Variants in SLC1A3 observed in about 807,000 individuals in gnomAD.
The protein encoded by SLC1A3 is solute carrier family 1 member 3.
A neutral mutation model predicts 48.1 loss-of-function variants in SLC1A3; 21 were observed. The observed-to-expected ratio is 0.44, with a 90% confidence interval of 0.31 to 0.63. The LOEUF (loss-of-function observed/expected upper bound fraction) is 0.63. Among genes scored for constraint, SLC1A3 ranks in the 20% least tolerant of loss-of-function variants. SLC1A3 has a pLI of 0.08. For missense variants in SLC1A3, 546 were observed against 689.0 expected (o/e 0.79, Z 2.32); for synonymous variants, 239 against 251.4 (o/e 0.95, Z 0.47).
At chr5:36,611,618 G>A (rs1039993704) in intron 2 of SLC1A3, among the ~76,000 whole-genome samples, 7 of 152,134 alleles carry the variant, frequency 4.6e-5, no homozygotes, top group East Asian at 1.9e-4. Flanking sequence ...TTAGCAATCC[G>A]AGAGAACACA....
At chr5:36,670,993 C>A (rs754520457) in intron 3 of SLC1A3, 36 bp from the exon 4 acceptor site, 2 of 1,580,412 alleles carry the variant, frequency 1.3e-6, no homozygotes, top group East Asian at 2.2e-5. Context: ...ATTCCCTGGA[C>A]TGACTTCCTG....
intron 3 of SLC1A3, among the ~76,000 whole-genome samples, chr5:36,650,640 T>A (rs910718693): frequency 1.1e-4 from 17 of 152,206 alleles, no homozygotes; most frequent in Non-Finnish European, 2.4e-4. Context: ...ACCATGGTAT[T>A]GTTTAACATC....
At chr5:36,631,850 G>A (rs1430426170) in intron 3 of SLC1A3, among the ~76,000 whole-genome samples, 1 of 152,214 alleles carries the variant, frequency 6.6e-6, no homozygotes, top group Non-Finnish European at 1.5e-5. Flanking sequence ...AGCTATAATG[G>A]GAAGGGAGGA....
intron 3 of SLC1A3, among the ~76,000 whole-genome samples, chr5:36,658,020 G>A (rs374966673): frequency 3.2e-4 from 49 of 152,316 alleles, no homozygotes; most frequent in African/African-American, 1.1e-3. Flanking sequence ...TTTTGGGCAG[G>A]CAATGTGCTA....
At chr5:36,683,752 T>A in intron 8 of SLC1A3, 112 bp from the exon 9 acceptor site, 9 of 1,180,108 alleles carry the variant, frequency 7.6e-6, no homozygotes, top group Non-Finnish European at 1.0e-5. Flanking sequence ...AAGCGCGTCC[T>A]CTTGTGTTAC....
intron 2 of SLC1A3, among the ~76,000 whole-genome samples, chr5:36,610,324 G>C (rs116654937): frequency 0.011 from 1,701 of 152,238 alleles, 34 homozygotes; most frequent in African/African-American, 0.038. Context: ...TGATTTACCC[G>C]GTTACCTCAA....
chr5:36,653,058 C>T (rs558690661), intron 3 of SLC1A3, among the ~76,000 whole-genome samples: 2 of 152,302 alleles, frequency 1.3e-5, no homozygotes, highest in South Asian at 4.1e-4. Flanking sequence ...GAAGCACTGA[C>T]CTCATATTTG....
chr5:36,665,441 C>T (rs1047609050), intron 3 of SLC1A3, among the ~76,000 whole-genome samples: 2 of 152,148 alleles, frequency 1.3e-5, no homozygotes, highest in Non-Finnish European at 2.9e-5. Context: ...TTATCAAGGA[C>T]CTACTTTGTA....
In SLC1A3 at chr5:36,613,990, G is replaced by A. The variant is rs576169242; in HGVS notation, c.181+5386G>A. Among the ~76,000 whole-genome samples the A allele has an allele frequency of 4.8e-4, 73 of 152,286 alleles. 1 individual carries two copies. Among genetic ancestry groups the A allele is most frequent in the African/African-American group, 1.6e-3 (67 of 41,558 alleles). The stretch of plus-strand genomic sequence containing the variant: ...CACCTTCTCCAAAAGCACTCCAGGC[G>A]CTGCCTCCTACTGTGACGGTGTAGC... On this transcript the variant is annotated intron_variant, in intron 2 of 9. Coordinates refer to ENST00000265113, the MANE Select transcript of SLC1A3 (RefSeq NM_004172.5).
At chr5:36,681,195 T>C (rs1469492279) in intron 8 of SLC1A3, among the ~76,000 whole-genome samples, 3 of 152,342 alleles carry the variant, frequency 2.0e-5, no homozygotes, top group Middle Eastern at 3.4e-3. Flanking sequence ...ACTTTTCCTA[T>C]GCATAGACAT....
intron 3 of SLC1A3, among the ~76,000 whole-genome samples, chr5:36,665,236 T>C (rs1415641129): frequency 6.8e-6 from 1 of 147,558 alleles, no homozygotes; most frequent in African/African-American, 2.5e-5. Context: ...AAAAAAAGCA[T>C]GTGGCCTCTA....
intron 4 of SLC1A3, 124 bp downstream of exon 4, chr5:36,671,357 T>TCATA (rs1741989238): frequency 6.8e-6 from 5 of 730,136 alleles, no homozygotes; most frequent in Non-Finnish European, 1.3e-5. Flanking sequence ...GAAATGAAGG[T>TCATA]CATATATCTT....
chr5:36,640,115 C>G (rs1372212365), intron 3 of SLC1A3, among the ~76,000 whole-genome samples: 1 of 152,168 alleles, frequency 6.6e-6, no homozygotes, highest in Non-Finnish European at 1.5e-5. Flanking sequence ...GAGGACAGTT[C>G]TGTTTTTTCC....
At chr5:36,610,681 T>C (rs2111667054) in intron 2 of SLC1A3, among the ~76,000 whole-genome samples, 1 of 152,284 alleles carries the variant, frequency 6.6e-6, no homozygotes, top group African/African-American at 2.4e-5. Flanking sequence ...AAGTCTGTTT[T>C]TCTCTAGGAG....
intron 2 of SLC1A3, among the ~76,000 whole-genome samples, chr5:36,626,179 A>C (rs1561248309): frequency 6.6e-6 from 1 of 152,272 alleles, no homozygotes; most frequent in East Asian, 1.9e-4. Flanking sequence ...CTGTATACAC[A>C]ACCAGTGTTG....
chr5:36,652,520 G>C (rs530277369), intron 3 of SLC1A3, among the ~76,000 whole-genome samples: 15 of 152,234 alleles, frequency 9.9e-5, no homozygotes, highest in Admixed American at 3.9e-4. Flanking sequence ...ATGTGTGTTT[G>C]GTGTGTTCTT....
rs1415758918 is a variant in SLC1A3 at position 36,680,391 on chromosome 5, T to G, written c.1095-4T>G. On this transcript the variant is annotated splice_region_variant and splice_polypyrimidine_tract_variant and intron_variant, in intron 7 of 9. Coordinates refer to ENST00000265113, the MANE Select transcript of SLC1A3 (RefSeq NM_004172.5). ...GCTGATGTGCCCTATTTCACTGTTC[T>G]CAGTTCTGCCACCCTACCCATCACC... is the stretch of plus-strand genomic sequence containing the variant. 1.9e-6 allele frequency: 3 copies of G among 1,613,802 alleles called. No homozygotes were observed. The South Asian group carries it at 3.3e-5, about 18-fold the overall frequency.
chr5:36,619,984 A>G (rs750830753), intron 2 of SLC1A3, among the ~76,000 whole-genome samples: 4 of 152,204 alleles, frequency 2.6e-5, no homozygotes, highest in Non-Finnish European at 5.9e-5. Context: ...GACACCACCC[A>G]TTCCAATTGA....
rs192627549 is a variant in SLC1A3, at chr5:36,619,801, G to A, written c.182-9649G>A. 5.6e-4 allele frequency among the ~76,000 whole-genome samples: 85 copies of A among 152,226 alleles called. No individual in the cohort carries two copies. The East Asian group carries it at 0.014, about 26-fold the overall frequency. ...CATGCCTGCCATAATAATTGTAATG[G>A]CTAAATTGCTAAAACATTTTTTGAC... On this transcript the variant is annotated intron_variant, in intron 2 of 9. Coordinates refer to ENST00000265113, the MANE Select transcript of SLC1A3 (RefSeq NM_004172.5).
Sources: allele counts gnomAD v4.1 joint callset (sites outside exome capture counted in the v4.1 genomes callset), GRCh38; gene constraint gnomAD v4.1.1; transcripts MANE v1.5; gene names NCBI Gene and HGNC (gene_info 2026-07-23, HGNC 2026-07-21).